Variants in GRIK2 observed in about 807,000 individuals in gnomAD.
GRIK2 encodes the protein glutamate receptor ionotropic, kainate 2.
Under a neutral mutation model 100.3 loss-of-function variants are expected in GRIK2, and 32 were observed. The ratio of observed to expected loss-of-function variants is 0.32; its 90% CI spans 0.24 to 0.43. The LOEUF is 0.43. Among genes scored for constraint, GRIK2 ranks in the 20% least tolerant of loss-of-function variants. The probability of loss-of-function intolerance (pLI) is 1.00; values close to 1 mark genes in which losing one functional copy is unlikely to be tolerated. For synonymous variants in GRIK2, 417 were observed against 389.4 expected (o/e 1.07, Z -0.83); for missense variants, 843 against 1,114.9 (o/e 0.76, Z 3.47).
chr6:101,661,168 C>T (rs915559041), intron 4 of GRIK2, among the ~76,000 whole-genome samples: 10 of 152,116 alleles, frequency 6.6e-5, no homozygotes, highest in African/African-American at 2.2e-4. Flanking sequence ...CAGAGATGCC[C>T]TGCTCAGAGA....
intron 2 of GRIK2, among the ~76,000 whole-genome samples, chr6:101,403,257 C>A (rs950286521): frequency 6.6e-6 from 1 of 152,236 alleles, no homozygotes; most frequent in African/African-American, 2.4e-5. Context: ...GGCTCCTGGG[C>A]ACCATCTCCA....
chr6:101,755,230 G>A (rs902938116), intron 7 of GRIK2, among the ~76,000 whole-genome samples: 1 of 131,348 alleles, frequency 7.6e-6, no homozygotes, highest in African/African-American at 3.0e-5. Flanking sequence ...GCAGTGGCAC[G>A]ATCTCGACTC....
At chr6:101,683,513 T>A (rs1200705061) in intron 6 of GRIK2, among the ~76,000 whole-genome samples, 1 of 152,146 alleles carries the variant, frequency 6.6e-6, no homozygotes, top group African/African-American at 2.4e-5. Flanking sequence ...TATCAATACA[T>A]TATCCTGACC....
intron 14 of GRIK2, among the ~76,000 whole-genome samples, chr6:102,022,993 G>T (rs749259206): frequency 1.2e-4 from 18 of 151,506 alleles, no homozygotes; most frequent in South Asian, 2.1e-4. Flanking sequence ...GATTGAAAAG[G>T]ACAGTGGTGG....
intron 4 of GRIK2, among the ~76,000 whole-genome samples, chr6:101,663,114 A>G (rs2128334804): frequency 6.6e-6 from 1 of 152,312 alleles, no homozygotes; most frequent in South Asian, 2.1e-4. Flanking sequence ...GCCCAGCAAC[A>G]TAAAACATCA....
At chr6:101,893,900 TATA>T (rs547961624) in intron 12 of GRIK2, among the ~76,000 whole-genome samples, 133 of 151,810 alleles carry the variant, frequency 8.8e-4, no homozygotes, top group African/African-American at 3.0e-3. Flanking sequence ...TGAATAAATT[TATA>T]ATAATACTTA....
chr6:101,694,770 A>T (rs894115500), intron 7 of GRIK2, among the ~76,000 whole-genome samples: 3 of 151,866 alleles, frequency 2.0e-5, no homozygotes, highest in Admixed American at 2.0e-4. Flanking sequence ...ATGAACTAAG[A>T]TGGAGTAGAC....
intron 12 of GRIK2, among the ~76,000 whole-genome samples, chr6:101,907,526 G>T (rs1788314500): frequency 6.6e-6 from 1 of 151,692 alleles, no homozygotes; most frequent in Non-Finnish European, 1.5e-5. Context: ...ACCGCCTGCA[G>T]TGCACCACAG....
rs3029099 is a variant in GRIK2, at chr6:101,963,278, A to ATTTTTTTTTTTTTTTTTTTTTTTTTTT, written c.2085+34657_2085+34683dup. On this transcript the variant is annotated intron_variant, in intron 14 of 16. Coordinates refer to ENST00000369134, the MANE Select transcript of GRIK2 (RefSeq NM_021956.5). ...TATTTCATATTTATACTTATTTAGG[A>ATTTTTTTTTTTTTTTTTTTTTTTTTTT]TTTTTTTTTTTTTTTTTTTTTTTTT... 4.0e-4 allele frequency among the ~76,000 whole-genome samples: 11 copies of ATTTTTTTTTTTTTTTTTTTTTTTTTTT among 27,844 alleles called. 5 individuals carry two copies. The highest frequency in any genetic ancestry group is 6.4e-4 in the Non-Finnish European group (9 of 14,018). The allele number at this position is 27,844 out of a possible 152,430, so 18.3% of individuals were successfully genotyped here.
At chr6:102,005,383 A>ATAAT (rs1795160639) in intron 14 of GRIK2, among the ~76,000 whole-genome samples, 1 of 152,048 alleles carries the variant, frequency 6.6e-6, no homozygotes. Context: ...ATAAATTAGC[A>ATAAT]TAATTTTATT....
intron 16 of GRIK2, among the ~76,000 whole-genome samples, chr6:102,059,673 C>T (rs1234055592): frequency 1.3e-5 from 2 of 150,734 alleles, no homozygotes; most frequent in South Asian, 2.1e-4. Context: ...TTTTTATAAA[C>T]TTTTTATAAC....
intron 2 of GRIK2, among the ~76,000 whole-genome samples, chr6:101,511,861 A>G (rs1261528283): frequency 6.6e-6 from 1 of 152,002 alleles, no homozygotes; most frequent in African/African-American, 2.4e-5. Flanking sequence ...CCTATGATCA[A>G]TGACTGAATT....
chr6:101,694,303 G>C (rs914524219), intron 7 of GRIK2, among the ~76,000 whole-genome samples: 2 of 152,222 alleles, frequency 1.3e-5, no homozygotes, highest in Admixed American at 6.6e-5. Context: ...TATTTCACTG[G>C]GGTCGGCACT....
chr6:102,024,704 T>C (rs891613431), intron 14 of GRIK2, among the ~76,000 whole-genome samples: 4 of 151,292 alleles, frequency 2.6e-5, no homozygotes, highest in African/African-American at 9.7e-5. Flanking sequence ...AAAGCTGTAC[T>C]CAAAATTAAA....
chr6:101,640,410 A>G (rs1253698813), intron 4 of GRIK2, among the ~76,000 whole-genome samples: 1 of 152,180 alleles, frequency 6.6e-6, no homozygotes, highest in African/African-American at 2.4e-5. Context: ...GATGCATTTA[A>G]TTGCCTTGCT....
intron 2 of GRIK2, among the ~76,000 whole-genome samples, chr6:101,452,447 GT>G (rs1770763110): frequency 2.1e-5 from 2 of 96,900 alleles, no homozygotes; most frequent in African/African-American, 9.3e-5. Context: ...TGAAATTTTT[GT>G]GTTTTTTTTT....
At chr6:101,440,229 C>A (rs987297370) in intron 2 of GRIK2, among the ~76,000 whole-genome samples, 3 of 151,906 alleles carry the variant, frequency 2.0e-5, no homozygotes, top group African/African-American at 7.3e-5. Context: ...TGAAATTGGA[C>A]GGAGAAAAAA....
At chr6:101,702,929 T>C (rs1419584780) in intron 7 of GRIK2, among the ~76,000 whole-genome samples, 1 of 151,772 alleles carries the variant, frequency 6.6e-6, no homozygotes, top group African/African-American at 2.4e-5. Flanking sequence ...CTTTCATAAT[T>C]TGTGATGAGA....
chr6:101,744,615 G>C (rs895042215), intron 7 of GRIK2: 1 of 106,886 alleles, frequency 9.4e-6, no homozygotes, highest in Non-Finnish European at 1.9e-5. Context: ...TTTCACTCTT[G>C]TTGCCCAGGC....
Sources: allele counts gnomAD v4.1 joint callset (sites outside exome capture counted in the v4.1 genomes callset), GRCh38; gene constraint gnomAD v4.1.1; transcripts MANE v1.5; gene names NCBI Gene and HGNC (gene_info 2026-07-23, HGNC 2026-07-21).